COL12A1: variants seen among roughly 807,000 people sequenced by gnomAD.
COL12A1 encodes collagen alpha-1(XII) chain.
A neutral mutation model predicts 349.7 loss-of-function variants in COL12A1; 114 were observed. The observed-to-expected ratio is 0.33, with a 90% CI of 0.28 to 0.38. COL12A1 has a LOEUF of 0.38. Ranked by LOEUF, COL12A1 falls within the 10% of genes least tolerant of loss-of-function variation. COL12A1 has a pLI of 1.00. For synonymous variants in COL12A1, 1,369 were observed against 1,329.0 expected (o/e 1.03, Z -0.66); for missense variants, 3,284 against 3,756.9 (o/e 0.87, Z 3.29).
At chr6:75,173,306 T>A (rs1768735340) in intron 13 of COL12A1, among the ~76,000 whole-genome samples, 1 of 152,200 alleles carries the variant, frequency 6.6e-6, no homozygotes, top group Non-Finnish European at 1.5e-5. Context: ...TGGTATTTAA[T>A]CTTTCATTTA....
chr6:75,107,458 A>G (rs1024568069), intron 52 of COL12A1, among the ~76,000 whole-genome samples: 12 of 151,682 alleles, frequency 7.9e-5, no homozygotes, highest in African/African-American at 2.9e-4. Flanking sequence ...TTTAGTAGAG[A>G]CGGGGTCTTA....
Position 75,137,332 on chromosome 6 carries a change from T to C in COL12A1, c.5394+105A>G, listed in dbSNP as rs1193565803. On this transcript the variant is annotated intron_variant, in intron 31 of 65. Coordinates refer to ENST00000322507, the MANE Select transcript of COL12A1 (RefSeq NM_004370.6). ...TTCCATCCAATGCGATAAATCTTAATATCCCTTAAAAAGTAAGTATGACTA... is the reference window on the plus strand; with the variant it reads ...TTCCATCCAATGCGATAAATCTTAACATCCCTTAAAAAGTAAGTATGACTA... The C allele has an allele frequency of 3.8e-6, 4 of 1,050,524 alleles. No individual in the cohort carries two copies. In the African/African-American group the frequency reaches 6.5e-5, roughly 17 times the overall value. 65.1% of individuals were successfully genotyped at this position (1,050,524 alleles called of 1,614,324 possible).
chr6:75,094,663 C>T (rs552488570), intron 60 of COL12A1, among the ~76,000 whole-genome samples: 1 of 152,198 alleles, frequency 6.6e-6, no homozygotes, highest in South Asian at 2.1e-4. Flanking sequence ...GTTCTAGCCT[C>T]CTCAACTAGA....
At chr6:75,161,738 A>G (rs943208348) in intron 14 of COL12A1, among the ~76,000 whole-genome samples, 3 of 152,252 alleles carry the variant, frequency 2.0e-5, no homozygotes, top group Non-Finnish European at 2.9e-5. Context: ...AGATGACAAG[A>G]TTGTATATTT....
intron 17 of COL12A1, 143 bp downstream of exon 17, chr6:75,154,273 T>C: frequency 1.1e-6 from 1 of 942,718 alleles, no homozygotes; most frequent in Non-Finnish European, 1.5e-6. Flanking sequence ...TTGAAGAATT[T>C]TTTTGCTAAG....
chr6:75,138,242 T>C (rs1340735086), intron 30 of COL12A1, 78 bp downstream of exon 30: 9 of 1,373,134 alleles, frequency 6.6e-6, no homozygotes, highest in Non-Finnish European at 9.1e-6. Flanking sequence ...CTATTTATTA[T>C]GTATCTTATG....
At chr6:75,179,982 T>C (rs140349325) in intron 11 of COL12A1, among the ~76,000 whole-genome samples, 245 of 152,348 alleles carry the variant, frequency 1.6e-3, no homozygotes, top group African/African-American at 5.5e-3. Context: ...AGCCCAAATG[T>C]CCATTGATGA....
chr6:75,165,620 G>T lies in COL12A1; in HGVS notation c.2870C>A (p.Ala957Glu), dbSNP rs1236232001. The change falls in exon 14 of 66, where the codon GCA becomes GAA. Residue 957 changes from alanine (A) to glutamate (E), a missense_variant. By Grantham distance (107) the Ala-to-Glu change is moderately radical (BLOSUM62 -1). Around this residue, in one of 2 missense-constraint regions of COL12A1, gnomAD observed 2,601 missense variants for 2,824.8 expected, o/e 0.92. Coordinates refer to ENST00000322507, the MANE Select transcript of COL12A1 (RefSeq NM_004370.6). ...CAGATTTTCTATCATCGTATGAATT[G>T]CATCTTCAGGCAGATTTTTCTCTCC... is the stretch of plus-strand genomic sequence containing the variant. Reference protein sequence around the residue: ...DTGEKNLPEDAIHTMIENLQP... With the variant: ...DTGEKNLPEDEIHTMIENLQP... The T allele has an allele frequency of 1.9e-6, 3 of 1,613,926 alleles. No individual in the cohort carries two copies. The highest frequency in any genetic ancestry group is 2.5e-6 in the Non-Finnish European group (3 of 1,179,912).
chr6:75,093,561 A>G (rs917621421), intron 60 of COL12A1, among the ~76,000 whole-genome samples: 1 of 152,184 alleles, frequency 6.6e-6, no homozygotes, highest in African/African-American at 2.4e-5. Flanking sequence ...GAAAAGGGGA[A>G]GTGCTGGGGT....
At chr6:75,196,781 T>A (rs1343379160) in intron 2 of COL12A1, among the ~76,000 whole-genome samples, 1 of 152,082 alleles carries the variant, frequency 6.6e-6, no homozygotes, top group Non-Finnish European at 1.5e-5. Flanking sequence ...TTAAAAAAAA[T>A]CAGTACATGG....
intron 33 of COL12A1, 109 bp downstream of exon 33, chr6:75,133,749 T>C: frequency 2.4e-6 from 3 of 1,252,760 alleles, no homozygotes; most frequent in Non-Finnish European, 3.4e-6. Flanking sequence ...TAAATGAATA[T>C]GAAATTCTTC....
chr6:75,152,571 T>G, intron 17 of COL12A1, 89 bp from the exon 18 acceptor site: 1 of 1,456,278 alleles, frequency 6.9e-7, no homozygotes, highest in Non-Finnish European at 9.5e-7. Context: ...CCCTGGATCC[T>G]CAGTGTTGCC....
chr6:75,174,347 G>C (rs972582243), intron 13 of COL12A1, among the ~76,000 whole-genome samples: 1 of 152,058 alleles, frequency 6.6e-6, no homozygotes, highest in African/African-American at 2.4e-5. Flanking sequence ...ACGAGGTCAG[G>C]AGATCGAGAT....
chr6:75,146,144 T>C lies in COL12A1; in HGVS notation c.4518A>G (p.Ser1506=), dbSNP rs201039857. 22 of 1,612,898 alleles carry C rather than the reference T, an allele frequency of 1.4e-5. No individual in the cohort carries two copies. The highest frequency in any genetic ancestry group is 1.7e-4 in the Middle Eastern group (1 of 6,054). ...GCTCTGTGTCCTTAACAGGTTTGTA[T>C]GACAAGATGTAGCCAGTAGCTCCTC... ...PVGGATGYIL[S]YKPVKDTEPT... is the part of the protein sequence containing the mutation. Residue 1506 remains serine (S), a synonymous_variant, in exon 24 of 66, where the codon TCA becomes TCG. Coordinates refer to ENST00000322507, the MANE Select transcript of COL12A1 (RefSeq NM_004370.6).
chr6:75,145,309 A>G lies in COL12A1; in HGVS notation c.4690+17T>C, dbSNP rs1389040653. On this transcript the variant is annotated intron_variant, in intron 25 of 65. Transcript: ENST00000322507. ...TCACAGCAATAAGAAGGGAAATAAA[A>G]CTAAGCAGTAGCTTACAGGTGACTT... is the stretch of plus-strand genomic sequence containing the variant. 8.2e-6 allele frequency: 13 copies of G among 1,576,434 alleles called. No individual in the cohort carries two copies. The highest frequency in any genetic ancestry group is 1.0e-5 in the Non-Finnish European group (12 of 1,154,996).
intron 1 of COL12A1, among the ~76,000 whole-genome samples, chr6:75,203,523 A>T (rs374806647): frequency 3.7e-4 from 56 of 152,324 alleles, no homozygotes; most frequent in African/African-American, 1.3e-3. Flanking sequence ...TGTTTTTCCA[A>T]CGTGTTTTTA....
intron 1 of COL12A1, among the ~76,000 whole-genome samples, chr6:75,203,216 A>T (rs975694711): frequency 6.6e-6 from 1 of 151,992 alleles, no homozygotes; most frequent in Admixed American, 6.6e-5. Context: ...CTTTTTTCCT[A>T]GCTGATGAAC....
intron 20 of COL12A1, 74 bp from the exon 21 acceptor site, chr6:75,151,361 G>A (rs1353264301): frequency 3.4e-5 from 48 of 1,413,864 alleles, no homozygotes; most frequent in South Asian, 1.1e-4. Flanking sequence ...AATGATTTAC[G>A]GCTTTCTTAA....
chr6:75,089,279 G>T, intron 63 of COL12A1, 105 bp from the exon 64 acceptor site: 2 of 823,516 alleles, frequency 2.4e-6, no homozygotes, highest in Non-Finnish European at 3.7e-6. Flanking sequence ...TTTCCTTAGT[G>T]AAAGCAGAAC....
Sources: gnomAD v4.1 joint callset for allele counts (sites outside exome capture counted in the v4.1 genomes callset) on GRCh38, gnomAD v4.1.1 for gene constraint, gnomAD v4.1.1 regional missense constraint, MANE v1.5 for transcripts, NCBI Gene and HGNC (gene_info 2026-07-23, HGNC 2026-07-21) for gene names.